The following FRS2 variants were observed in gnomAD, a reference collection of about 807,000 sequenced individuals.
FRS2 encodes fibroblast growth factor receptor substrate 2, also known as FGFR signalling adaptor.
FRS2 carries 8 observed loss-of-function variants against 43.9 expected under a neutral mutation model. The observed-to-expected ratio is 0.18, with a 90% CI of 0.11 to 0.33. The LOEUF (loss-of-function observed/expected upper bound fraction) is 0.33, where lower values mean the gene tolerates loss of function less well. Among genes scored for constraint, FRS2 ranks in the 10% least tolerant of loss-of-function variants. The pLI, the probability that FRS2 is intolerant of heterozygous loss-of-function variation, is 1.00. For synonymous variants in FRS2, 219 were observed against 220.3 expected, an observed-to-expected ratio of 0.99 and a Z score of 0.05; for missense variants, 534 against 627.6, an observed-to-expected ratio of 0.85 and a Z score of 1.59.
chr12:69,506,342 C>T (rs1351753177), intron 1 of FRS2, among the ~76,000 whole-genome samples: 1 of 152,022 alleles, frequency 6.6e-6, no homozygotes, highest in Non-Finnish European at 1.5e-5. Flanking sequence ...TCCTGTAATA[C>T]TTAATTGGTT....
intron 1 of FRS2, among the ~76,000 whole-genome samples, chr12:69,517,013 A>C (rs182967642): frequency 1.4e-4 from 22 of 152,346 alleles, no homozygotes; most frequent in Admixed American, 7.2e-4. Flanking sequence ...ATGATGCTAC[A>C]GTGAAAATTT....
rs192248467 is a variant in FRS2, at chr12:69,486,345, T to C, written c.-261+15815T>C. The C allele has an allele frequency of 2.6e-5, 4 of 152,334 alleles. No homozygotes were observed. The East Asian group carries it at 7.7e-4, about 29-fold the overall frequency. 9.4% of individuals were successfully genotyped at this position (152,334 alleles called of 1,614,324 possible). A position where few individuals can be genotyped will look rare whatever the true frequency, so the allele number is the denominator to read the frequency against. On this transcript the variant is annotated intron_variant, in intron 1 of 8. Coordinates refer to ENST00000549921, the MANE Select transcript of FRS2 (RefSeq NM_001278356.2). ...CTTTTTATCATTATTATATCTGTTA[T>C]GGTGATCTTTGATGTTACTATTGTA...
intron 1 of FRS2, among the ~76,000 whole-genome samples, chr12:69,506,884 A>G (rs976685225): frequency 6.6e-6 from 1 of 152,184 alleles, no homozygotes; most frequent in Admixed American, 6.5e-5. Context: ...TCATGAATAG[A>G]TTAATACATT....
intron 3 of FRS2, among the ~76,000 whole-genome samples, chr12:69,538,197 T>TTCTATATATATATATATATATA (rs869192774): frequency 1.2e-5 from 1 of 81,638 alleles, no homozygotes; most frequent in African/African-American, 5.5e-5. Context: ...AAAACAAATT[T>TTCTATATATATATATATATATA]TATATATATA....
At chr12:69,478,082 G>T (rs1035500525) in intron 1 of FRS2, among the ~76,000 whole-genome samples, 1 of 152,050 alleles carries the variant, frequency 6.6e-6, no homozygotes, top group African/African-American at 2.4e-5. Flanking sequence ...GTTTTTGTTG[G>T]AACATAGGAG....
intron 1 of FRS2, among the ~76,000 whole-genome samples, chr12:69,504,179 A>G (rs1283972784): frequency 1.3e-5 from 2 of 152,218 alleles, no homozygotes; most frequent in African/African-American, 4.8e-5. Context: ...CAAGCAAATT[A>G]ATAGATACAG....
rs573600785 is a variant in FRS2 at position 69,575,065 on chromosome 12, T to C, written c.*110T>C. On this transcript the variant is annotated 3_prime_UTR_variant, in exon 9 of 9. Transcript: ENST00000549921. ...AACTCCTTTTATAGACTGATAAAAT[T>C]TTTTTCTGAATATTTCATGTGCATC... 1.4e-6 allele frequency: 1 copy of C among 703,166 alleles called. No individual in the cohort carries two copies. The highest frequency in any genetic ancestry group is 2.4e-6 in the Non-Finnish European group (1 of 416,462). 43.6% of individuals were successfully genotyped at this position (703,166 alleles called of 1,614,324 possible).
intron 1 of FRS2, among the ~76,000 whole-genome samples, chr12:69,493,838 C>G (rs1872663877): frequency 6.6e-6 from 1 of 152,182 alleles, no homozygotes; most frequent in Non-Finnish European, 1.5e-5. Flanking sequence ...TTAGAAAATA[C>G]TAGCTGCATA....
At chr12:69,551,970 T>G (rs1404154945) in intron 3 of FRS2, among the ~76,000 whole-genome samples, 5 of 152,254 alleles carry the variant, frequency 3.3e-5, no homozygotes, top group African/African-American at 1.2e-4. Flanking sequence ...TTAAATTGAC[T>G]TTTTTTCTTT....
intron 1 of FRS2, among the ~76,000 whole-genome samples, chr12:69,479,207 T>G (rs1244780203): frequency 6.6e-6 from 1 of 152,070 alleles, no homozygotes; most frequent in Non-Finnish European, 1.5e-5. Context: ...TGGAAAACTT[T>G]TTGTTGGAAA....
rs77592131 is a variant in FRS2 at position 69,544,104 on chromosome 12, C to CT, written c.-122+12062dup. Among the ~76,000 whole-genome samples the CT allele has an allele frequency of 5.3e-3, 709 of 134,884 alleles. 6 individuals are homozygous for CT. The highest frequency in any genetic ancestry group is 0.014 in the African/African-American group (526 of 36,770). The allele number at this position is 134,884 out of a possible 152,430, so 88.5% of individuals were successfully genotyped here. The stretch of plus-strand genomic sequence containing the variant: ...AGGGTCGGGGGGGTGGGGAGGCTTT[C>CT]TTTTTTTTTTTTTTAAGAGTACTGG... On this transcript the variant is annotated intron_variant, in intron 3 of 8. Coordinates refer to ENST00000549921, the MANE Select transcript of FRS2 (RefSeq NM_001278356.2).
rs190832762 is a variant in FRS2 at position 69,489,743 on chromosome 12, T to C, written c.-261+19213T>C. ...CTTTTTCTCTGTAATTGTCAAGATATGTAAATATCACATATTCTGAGGTGT... is the reference window on the plus strand; with the variant it reads ...CTTTTTCTCTGTAATTGTCAAGATACGTAAATATCACATATTCTGAGGTGT... On this transcript the variant is annotated intron_variant, in intron 1 of 8. Transcript: ENST00000549921. 3.4e-3 allele frequency among the ~76,000 whole-genome samples: 517 copies of C among 151,752 alleles called. 11 individuals carry two copies. The highest frequency in any genetic ancestry group is 1.2e-3 in the East Asian group (6 of 5,162).
chr12:69,569,052 C>T lies in FRS2; in HGVS notation c.22C>T (p.Pro8Ser). Residue 8 changes from proline to serine, a missense_variant, in exon 5 of 9, where the codon CCA becomes TCA. By Grantham distance (74) the Pro-to-Ser change is moderately conservative. Coordinates refer to ENST00000549921, the MANE Select transcript of FRS2 (RefSeq NM_001278356.2). The stretch of plus-strand genomic sequence containing the variant: ...AGCCATGGGTAGCTGTTGTAGCTGT[C>T]CAGATAAAGACACTGTCCCAGATAA... MGSCCSCPDKDTVPDNHR... is the reference protein window; with the variant it reads MGSCCSCSDKDTVPDNHR... The T allele has an allele frequency of 6.2e-7, 1 of 1,611,894 alleles. No homozygotes were observed. The highest frequency in any genetic ancestry group is 8.5e-7 in the Non-Finnish European group (1 of 1,178,476).
chr12:69,538,108 T>A (rs2135691210), intron 3 of FRS2: 1 of 152,004 alleles, frequency 6.6e-6, no homozygotes, highest in African/African-American at 2.4e-5. Context: ...ATTATGAAAT[T>A]ACCTTAAAGT....
intron 1 of FRS2, among the ~76,000 whole-genome samples, chr12:69,486,632 A>G (rs561863864): frequency 2.6e-5 from 4 of 152,374 alleles, no homozygotes; most frequent in East Asian, 3.9e-4. Context: ...GGAGGAAGGC[A>G]TGTTGAAAGA....
At chr12:69,540,832 G>A (rs994265864) in intron 3 of FRS2, among the ~76,000 whole-genome samples, 4 of 152,100 alleles carry the variant, frequency 2.6e-5, no homozygotes, top group African/African-American at 9.7e-5. Flanking sequence ...GTGTTTCAAG[G>A]GCTATGTTGT....
In FRS2 at chr12:69,569,672, G is replaced by A. The variant is rs1880586502; in HGVS notation, c.66+576G>A. Among the ~76,000 whole-genome samples the A allele has an allele frequency of 3.9e-5, 6 of 152,280 alleles. No homozygotes were observed. In the South Asian group the frequency reaches 1.2e-3, roughly 32 times the overall value. ...AGCTTTGTGACCTTGGGCAGGTTAC[G>A]TTATTACTGAGTCTTAATTCCATTT... On this transcript the variant is annotated intron_variant, in intron 5 of 8. Coordinates refer to ENST00000549921, the MANE Select transcript of FRS2 (RefSeq NM_001278356.2).
At chr12:69,523,339 C>G (rs76711030) in intron 1 of FRS2, among the ~76,000 whole-genome samples, 418 of 151,902 alleles carry the variant, frequency 2.8e-3, no homozygotes, top group African/African-American at 9.5e-3. Context: ...ATGTAATGCC[C>G]TTGTCTTTTT....
intron 3 of FRS2, among the ~76,000 whole-genome samples, chr12:69,555,959 A>G (rs934101657): frequency 1.4e-4 from 20 of 138,786 alleles, no homozygotes; most frequent in African/African-American, 4.4e-4. Flanking sequence ...TTTGGGGGTT[A>G]TAGTTGCTTG....
Sources: allele counts gnomAD v4.1 joint callset (sites outside exome capture counted in the v4.1 genomes callset), GRCh38; gene constraint gnomAD v4.1.1; transcripts MANE v1.5; gene names NCBI Gene and HGNC (gene_info 2026-07-23, HGNC 2026-07-21).